The following HTR2B variants were observed in gnomAD, a reference collection of about 807,000 sequenced individuals.
The protein encoded by HTR2B is 5-HT 2B receptor.
A neutral mutation model predicts 39.8 loss-of-function variants in HTR2B; 31 were observed. The ratio of observed to expected loss-of-function variants is 0.78; its 90% CI spans 0.58 to 1.05. The LOEUF is 1.05. Ranked by LOEUF, HTR2B falls within the 50% of genes least tolerant of loss-of-function variation. HTR2B has a pLI of 0.00. For missense variants in HTR2B, 562 were observed against 578.0 expected, an observed-to-expected ratio of 0.97 and a Z score of 0.28; for synonymous variants, 210 against 207.1, an observed-to-expected ratio of 1.01 and a Z score of -0.12.
At chr2:231,117,819 G>A (rs576398505) in intron 2 of HTR2B, among the ~76,000 whole-genome samples, 1 of 152,192 alleles carries the variant, frequency 6.6e-6, no homozygotes, top group African/African-American at 2.4e-5. Context: ...CACTTAATAT[G>A]AAATATAACT....
Position 231,108,844 on chromosome 2 carries a change from T to G in HTR2B, c.1119A>C (p.Ser373=). Residue 373 remains serine (S), a synonymous_variant, in exon 4 of 4, where the codon TCA becomes TCC. Coordinates refer to ENST00000258400, the MANE Select transcript of HTR2B (RefSeq NM_000867.5). ...GGGTGTAGACCAAAGGATTCACTCC[T>G]GAGGAAACATAGCCTATCCACACAA... is the stretch of plus-strand genomic sequence containing the variant. ...EIFVWIGYVS[S]GVNPLVYTLF... 6.2e-7 allele frequency: 1 copy of G among 1,614,148 alleles called. No individual in the cohort carries two copies. The highest frequency in any genetic ancestry group is 8.5e-7 in the Non-Finnish European group (1 of 1,180,010).
Position 231,109,416 on chromosome 2 carries a change from A to T in HTR2B, c.554-7T>A. The T allele has an allele frequency of 6.2e-7, 1 of 1,613,060 alleles. No homozygotes were observed. Among genetic ancestry groups the T allele is most frequent in the South Asian group, 1.1e-5 (1 of 90,946 alleles). On this transcript the variant is annotated splice_polypyrimidine_tract_variant and splice_region_variant and intron_variant, in intron 3 of 3. Coordinates refer to ENST00000258400, the MANE Select transcript of HTR2B (RefSeq NM_000867.5). ...GGGACTGGAATGGCAATGCCTAAGG[A>T]AGAGGAAAACAAGATAAATTGAGTC...
chr2:231,108,574 C>T lies in HTR2B; in HGVS notation c.1389G>A (p.Thr463=), dbSNP rs1345271980. The part of the protein sequence containing the change: ...IQSSSIILLD[T]LLLTENEGDK... ...CACCTTCATTTTCAGTGAGGAGAAGCGTATCTAGTAGAATGATTGATGAAG... is the reference window on the plus strand; with the variant it reads ...CACCTTCATTTTCAGTGAGGAGAAGTGTATCTAGTAGAATGATTGATGAAG... Residue 463 remains threonine, a synonymous_variant, in exon 4 of 4, where the codon ACG becomes ACA. Transcript: ENST00000258400. The T allele has an allele frequency of 3.7e-6, 6 of 1,613,850 alleles. No homozygotes were observed. Among genetic ancestry groups the T allele is most frequent in the Non-Finnish European group, 5.1e-6 (6 of 1,179,918 alleles).
Position 231,109,091 on chromosome 2 carries a change from T to G in HTR2B, c.872A>C (p.Lys291Thr), listed in dbSNP as rs772970469. 4 of 1,614,206 alleles carry G rather than the reference T, an allele frequency of 2.5e-6. No homozygotes were observed. Among genetic ancestry groups the G allele is most frequent in the Non-Finnish European group, 3.4e-6 (4 of 1,180,010 alleles). The change falls in exon 4 of 4, where the codon AAG (lysine) becomes ACG (threonine). Residue 291 changes from lysine (K) to threonine (T), a missense_variant. Physicochemically the swap from Lys to Thr is moderately conservative, Grantham distance 78 (BLOSUM62 -1). Transcript: ENST00000258400. Reference protein sequence around the residue: ...VAMLDGSRKDKALPNSGDETL... With the variant: ...VAMLDGSRKDTALPNSGDETL... ...TTCATCACCTGAGTTGGGCAGAGCC[T>G]TGTCCTTTCGAGAACCATCCAGCAT...
Position 231,123,422 on chromosome 2 carries a change from T to C in HTR2B, c.343A>G (p.Ile115Val), listed in dbSNP as rs1227106729. The change falls in exon 2 of 4, where the codon ATA becomes GTA. Residue 115 changes from isoleucine (I) to valine (V), a missense_variant. Transcript: ENST00000258400. ...LFVMPIALLTIMFEAMWPLPL... is the reference protein window; with the variant it reads ...LFVMPIALLTVMFEAMWPLPL... ...AAAGTGAAATACTTACCAAACATTA[T>C]TGTCAAGAGGGCAATTGGCATCACA... 1.9e-6 allele frequency: 3 copies of C among 1,612,858 alleles called. No individual in the cohort carries two copies.
chr2:231,120,559 G>C (rs950746328), intron 2 of HTR2B, among the ~76,000 whole-genome samples: 6 of 152,178 alleles, frequency 3.9e-5, no homozygotes, highest in Non-Finnish European at 8.8e-5. Flanking sequence ...TGCCTGAGTT[G>C]TCATAATCTT....
At chr2:231,123,169 A>T (rs1489986868) in intron 2 of HTR2B, among the ~76,000 whole-genome samples, 1 of 152,190 alleles carries the variant, frequency 6.6e-6, no homozygotes, top group Non-Finnish European at 1.5e-5. Flanking sequence ...ATGACTTTTT[A>T]AATGATTTTA....
At chr2:231,113,986 C>G (rs1467386759) in intron 2 of HTR2B, 57 bp from the exon 3 acceptor site, 1 of 1,416,702 alleles carries the variant, frequency 7.1e-7, no homozygotes, top group African/African-American at 1.4e-5. Context: ...AACTTTCAGT[C>G]TACAGTTTTT....
intron 2 of HTR2B, among the ~76,000 whole-genome samples, chr2:231,122,619 A>G (rs900451155): frequency 2.0e-5 from 3 of 152,102 alleles, no homozygotes; most frequent in South Asian, 2.1e-4. Flanking sequence ...TGTTTATCCA[A>G]ATTTTATAAC....
At position 231,123,573 on chromosome 2, in the gene HTR2B, C is replaced by G; in HGVS notation, c.192G>C (p.Val64=). 1 of 1,614,136 alleles carries G rather than the reference C, an allele frequency of 6.2e-7. No individual in the cohort carries two copies. Among genetic ancestry groups the G allele is most frequent in the African/African-American group, 1.3e-5 (1 of 75,052 alleles). Residue 64 remains valine, a synonymous_variant, in exon 2 of 4, where the codon GTG becomes GTC. Coordinates refer to ENST00000258400, the MANE Select transcript of HTR2B (RefSeq NM_000867.5). ...LHWAALLILM[V]IIPTIGGNTL... is the part of the protein sequence containing the mutation. ...TATTTCCACCAATTGTGGGTATTAT[C>G]ACCATGAGTATCAGAAGAGCTGCCC... is the stretch of plus-strand genomic sequence containing the variant.
At chr2:231,121,301 G>C (rs1695532563) in intron 2 of HTR2B, among the ~76,000 whole-genome samples, 1 of 152,168 alleles carries the variant, frequency 6.6e-6, no homozygotes, top group African/African-American at 2.4e-5. Flanking sequence ...GCTGAAGGCA[G>C]AGGATCACTT....
chr2:231,118,002 A>C (rs541243406), intron 2 of HTR2B, among the ~76,000 whole-genome samples: 1 of 152,236 alleles, frequency 6.6e-6, no homozygotes, highest in East Asian at 1.9e-4. Context: ...GGAATAATAA[A>C]GGTTAAGAGT....
intron 2 of HTR2B, 66 bp from the exon 3 acceptor site, chr2:231,113,995 T>C (rs1239997612): frequency 3.6e-5 from 45 of 1,260,842 alleles, no homozygotes; most frequent in Non-Finnish European, 4.9e-5. Context: ...TCTACAGTTT[T>C]TCAGGTGATA....
intron 3 of HTR2B, among the ~76,000 whole-genome samples, chr2:231,110,110 A>G (rs1275844953): frequency 6.6e-6 from 1 of 152,196 alleles, no homozygotes; most frequent in Non-Finnish European, 1.5e-5. Context: ...ACTTGAGGTC[A>G]GGAGTTTGAG....
intron 3 of HTR2B, 81 bp from the exon 4 acceptor site, chr2:231,109,490 T>C: frequency 8.3e-7 from 1 of 1,203,390 alleles, no homozygotes; most frequent in Non-Finnish European, 1.2e-6. Flanking sequence ...ATTGTATCCT[T>C]ATAACTTTAT....
intron 2 of HTR2B, among the ~76,000 whole-genome samples, chr2:231,118,211 C>A (rs1695409784): frequency 6.6e-6 from 1 of 152,022 alleles, no homozygotes; most frequent in Non-Finnish European, 1.5e-5. Context: ...CAGTTCCTGG[C>A]ATAAAGAAAA....
rs1695054916 is a variant in HTR2B at position 231,108,865 on chromosome 2, C to T, written c.1098G>A (p.Val366=). The T allele has an allele frequency of 6.2e-7, 1 of 1,614,144 alleles. No individual in the cohort carries two copies. The highest frequency in any genetic ancestry group is 1.3e-5 in the African/African-American group (1 of 75,026). ...TTLQMLLEIF[V]WIGYVSSGVN... Reference sequence around the variant, plus strand: ...CTCCTGAGGAAACATAGCCTATCCACACAAATATCTCCAGGAGCATTTGGA... The same window carrying T: ...CTCCTGAGGAAACATAGCCTATCCATACAAATATCTCCAGGAGCATTTGGA... The change falls in exon 4 of 4, where the codon GTG becomes GTA. Residue 366 remains valine, a synonymous_variant. Coordinates refer to ENST00000258400, the MANE Select transcript of HTR2B (RefSeq NM_000867.5).
chr2:231,123,283 C>T (rs1695609207), intron 2 of HTR2B, 130 bp downstream of exon 2: 1 of 747,678 alleles, frequency 1.3e-6, no homozygotes, highest in Non-Finnish European at 2.4e-6. Flanking sequence ...GGACTGTTTA[C>T]TTGCCGTATC....
chr2:231,113,818 A>G lies in HTR2B; in HGVS notation c.464T>C (p.Ile155Thr), dbSNP rs755270043. ...HLCAISVDRYIAIKKPIQANQ... is the reference protein window; with the variant it reads ...HLCAISVDRYTAIKKPIQANQ... ...GGCCTGGATTGGCTTTTTGATGGCT[A>G]TGTAACGATCCACTGAAATGGCACA... The change falls in exon 3 of 4, where the codon ATA becomes ACA. Residue 155 changes from isoleucine (I) to threonine (T), a missense_variant. By Grantham distance (89) the Ile-to-Thr change is moderately conservative. Coordinates refer to ENST00000258400, the MANE Select transcript of HTR2B (RefSeq NM_000867.5). 20 of 1,614,154 alleles carry G rather than the reference A, an allele frequency of 1.2e-5. No homozygotes were observed. Among genetic ancestry groups the G allele is most frequent in the East Asian group, 2.2e-5 (1 of 44,874 alleles).
Sources: gnomAD v4.1 joint callset for allele counts (sites outside exome capture counted in the v4.1 genomes callset) on GRCh38, gnomAD v4.1.1 for gene constraint, MANE v1.5 for transcripts, NCBI Gene and HGNC (gene_info 2026-07-23, HGNC 2026-07-21) for gene names.